NALCN: variants seen among roughly 807,000 people sequenced by gnomAD.
The protein encoded by NALCN is sodium leak channel NALCN.
In NALCN, 111 loss-of-function variants were observed where a neutral mutation model predicts 225.3. The observed-to-expected ratio is 0.49, with a 90% CI of 0.42 to 0.58. The LOEUF (loss-of-function observed/expected upper bound fraction) is 0.58, where lower values mean the gene tolerates loss of function less well. Ranked by LOEUF, NALCN falls within the 20% of genes least tolerant of loss-of-function variation. NALCN has a pLI of 0.00. For missense variants in NALCN, 1,378 were observed against 2,202.4 expected (o/e 0.63, Z 7.49); for synonymous variants, 764 against 769.0 (o/e 0.99, Z 0.11).
At chr13:101,230,381 A>C (rs2041297029) in intron 12 of NALCN, among the ~76,000 whole-genome samples, 1 of 152,176 alleles carries the variant, frequency 6.6e-6, no homozygotes, top group Non-Finnish European at 1.5e-5. Flanking sequence ...CCCAGTATCC[A>C]TTTTCTCTTT....
chr13:101,274,062 C>T (rs1001422088), intron 10 of NALCN, among the ~76,000 whole-genome samples: 1 of 151,978 alleles, frequency 6.6e-6, no homozygotes, highest in Non-Finnish European at 1.5e-5. Flanking sequence ...CAACGAGCAC[C>T]CTTACACGTT....
chr13:101,071,372 A>G (rs2032872240), intron 37 of NALCN, among the ~76,000 whole-genome samples: 1 of 152,222 alleles, frequency 6.6e-6, no homozygotes, highest in African/African-American at 2.4e-5. Context: ...GTCTACATTG[A>G]AAATCCATTG....
intron 3 of NALCN, 38 bp from the exon 4 acceptor site, chr13:101,378,691 A>G: frequency 6.6e-7 from 1 of 1,518,908 alleles, no homozygotes; most frequent in Non-Finnish European, 9.0e-7. Context: ...TAGGCAAAGC[A>G]AATATTTTAA....
In NALCN at chr13:101,089,012, C is replaced by G. The variant is rs1477255965; in HGVS notation, c.3489+651G>C. On this transcript the variant is annotated intron_variant, in intron 30 of 43. Coordinates refer to ENST00000251127, the MANE Select transcript of NALCN (RefSeq NM_052867.4). This position sits in a 1 kb window ranked among gnomAD's most constrained non-coding sequence, Gnocchi z 4.7. ...TTCTAGGTTCAAACGATTCTCATGC[C>G]TCAGCCAACCCAGTAGCTGGGATTA... 6.6e-6 allele frequency among the ~76,000 whole-genome samples: 1 copy of G among 151,606 alleles called. No homozygotes were observed. The highest frequency in any genetic ancestry group is 1.9e-4 in the East Asian group (1 of 5,156).
chr13:101,189,488 T>C (rs1212933187), intron 14 of NALCN, among the ~76,000 whole-genome samples: 1 of 152,204 alleles, frequency 6.6e-6, no homozygotes, highest in East Asian at 1.9e-4. Context: ...CGCAGATACA[T>C]GACAACCTTG....
chr13:101,345,162 A>G (rs1810681946), intron 7 of NALCN, 104 bp downstream of exon 7: 2 of 1,194,230 alleles, frequency 1.7e-6, no homozygotes, highest in South Asian at 3.1e-5. Context: ...TTTCTTCTAT[A>G]CTACAGCCAG....
intron 13 of NALCN, among the ~76,000 whole-genome samples, chr13:101,224,082 A>G (rs1419730776): frequency 3.9e-5 from 6 of 152,118 alleles, no homozygotes; most frequent in Non-Finnish European, 8.8e-5. Flanking sequence ...TGGTTTCATT[A>G]TACCTCTCTC....
At chr13:101,253,914 T>C (rs1256814155) in intron 11 of NALCN, among the ~76,000 whole-genome samples, 1 of 152,190 alleles carries the variant, frequency 6.6e-6, no homozygotes, top group African/African-American at 2.4e-5. Context: ...TTTATAAACT[T>C]TATAAAAATA....
intron 26 of NALCN, 102 bp from the exon 27 acceptor site, chr13:101,100,990 A>G (rs2034779960): frequency 2.2e-6 from 2 of 901,052 alleles, no homozygotes; most frequent in Non-Finnish European, 3.2e-6. Context: ...ACATTGTATA[A>G]AAATCATGGG....
At chr13:101,065,692 G>A in intron 39 of NALCN, 131 bp from the exon 40 acceptor site, 1 of 1,122,660 alleles carries the variant, frequency 8.9e-7, no homozygotes. Context: ...AAGAAAGCTG[G>A]TCACCTCCTT....
intron 35 of NALCN, 97 bp downstream of exon 35, chr13:101,075,776 C>A (rs1303405203): frequency 2.1e-6 from 2 of 949,760 alleles, no homozygotes; most frequent in East Asian, 5.3e-5. Context: ...GTGATTACAT[C>A]CCTAAATAAC....
Position 101,095,597 on chromosome 13 carries a change from A to G in NALCN, c.3246T>C (p.Pro1082=), listed in dbSNP as rs373043573. 4.3e-6 allele frequency: 7 copies of G among 1,612,948 alleles called. No individual in the cohort carries two copies. Among genetic ancestry groups the G allele is most frequent in the South Asian group, 2.2e-5 (2 of 90,760 alleles). Residue 1082 remains proline (P), a synonymous_variant, in exon 28 of 44, where the codon CCT becomes CCC. Transcript: ENST00000251127. ...ACCAAACACGGGGCACCCAAAATCC[A>G]GGTTTTTTCTCTCCAGGCCTCAATT... ...NLKLRPGEKK[P]GFWVPRVWAN... is the part of the protein sequence containing the mutation.
intron 15 of NALCN, among the ~76,000 whole-genome samples, chr13:101,150,927 A>G (rs897741325): frequency 2.0e-5 from 3 of 152,212 alleles, no homozygotes; most frequent in African/African-American, 7.2e-5. Context: ...TGAAAAATCT[A>G]ATGTAAAGAA....
rs544276547 is a variant in NALCN at position 101,070,995 on chromosome 13, A to C, written c.4198-2168T>G. 3.9e-5 allele frequency among the ~76,000 whole-genome samples: 6 copies of C among 152,222 alleles called. No individual in the cohort carries two copies. The East Asian group carries it at 1.2e-3, about 29-fold the overall frequency. ...GAAGTGCCAAGAAAATGGGGGGAAA[A>C]ACCTCTTATAAAACCATCAGATCTC... On this transcript the variant is annotated intron_variant, in intron 37 of 43. Coordinates refer to ENST00000251127, the MANE Select transcript of NALCN (RefSeq NM_052867.4).
At chr13:101,387,242 A>T (rs1047946132) in intron 3 of NALCN, among the ~76,000 whole-genome samples, 2 of 149,708 alleles carry the variant, frequency 1.3e-5, no homozygotes, top group East Asian at 1.9e-4. Flanking sequence ...AAAAAAAAAA[A>T]AAAAAAAAAA....
Position 101,379,176 on chromosome 13 carries a change from C to T in NALCN, c.292-523G>A, listed in dbSNP as rs1347070512. 2.0e-5 allele frequency among the ~76,000 whole-genome samples: 3 copies of T among 152,198 alleles called. No individual in the cohort carries two copies. In the East Asian group the frequency reaches 5.8e-4, roughly 29 times the overall value. On this transcript the variant is annotated intron_variant, in intron 3 of 43. Transcript: ENST00000251127. ...TCAAAACCACAATGAGATACCATCT[C>T]ACGCCAGTTTAATGGTGATCATTAA...
At chr13:101,297,081 G>A (rs2043783402) in intron 7 of NALCN, among the ~76,000 whole-genome samples, 1 of 152,176 alleles carries the variant, frequency 6.6e-6, no homozygotes, top group African/African-American at 2.4e-5. Context: ...TGAAAAAAGA[G>A]GTGAGATATT....
intron 11 of NALCN, 148 bp downstream of exon 11, chr13:101,258,295 A>T: frequency 8.3e-7 from 1 of 1,210,982 alleles, no homozygotes; most frequent in Non-Finnish European, 1.1e-6. Context: ...CTGTGACCAG[A>T]GGAACCACTT....
Position 101,292,137 on chromosome 13 carries a change from A to T in NALCN, c.943-43T>A. On this transcript the variant is annotated intron_variant, in intron 8 of 43. Coordinates refer to ENST00000251127, the MANE Select transcript of NALCN (RefSeq NM_052867.4). This position sits in a 1 kb window ranked among gnomAD's most constrained non-coding sequence, Gnocchi z 4.3. ...CCACATTTACCAAAGTCTAAGAATG[A>T]CAAAGCAGAGGGCAACCAAAACCAA... 6.2e-6 allele frequency: 10 copies of T among 1,612,772 alleles called. No individual in the cohort carries two copies. Among genetic ancestry groups the T allele is most frequent in the Non-Finnish European group, 8.5e-6 (10 of 1,179,168 alleles).
Sources: allele counts gnomAD v4.1 joint callset (sites outside exome capture counted in the v4.1 genomes callset), GRCh38; gene constraint gnomAD v4.1.1; non-coding constraint Gnocchi (gnomAD v3.1); transcripts MANE v1.5; gene names NCBI Gene and HGNC (gene_info 2026-07-23, HGNC 2026-07-21).